Variants in PRKCE observed in about 807,000 individuals in gnomAD.
PRKCE encodes protein kinase C epsilon.
In PRKCE, 16 loss-of-function variants were observed where a neutral mutation model predicts 85.4. The ratio of observed to expected loss-of-function variants is 0.19; its 90% confidence interval spans 0.13 to 0.28. The LOEUF (loss-of-function observed/expected upper bound fraction) is 0.28. Among genes scored for constraint, PRKCE ranks in the 10% least tolerant of loss-of-function variants. The probability of loss-of-function intolerance (pLI) is 1.00; values close to 1 mark genes in which losing one functional copy is unlikely to be tolerated. For synonymous variants in PRKCE, 388 were observed against 371.5 expected (o/e 1.04, Z -0.51); for missense variants, 573 against 975.2 (o/e 0.59, Z 5.49).
chr2:46,081,315 C>T (rs941133489), intron 10 of PRKCE, among the ~76,000 whole-genome samples: 6 of 152,126 alleles, frequency 3.9e-5, no homozygotes, highest in African/African-American at 1.4e-4. Context: ...CTTCTTATAG[C>T]CCCCTAACCT....
At chr2:45,969,930 A>G (rs1701998163) in intron 2 of PRKCE, among the ~76,000 whole-genome samples, 1 of 152,314 alleles carries the variant, frequency 6.6e-6, no homozygotes. Flanking sequence ...TTGTAATGTG[A>G]TTCATCAGAC....
intron 5 of PRKCE, among the ~76,000 whole-genome samples, chr2:45,982,517 CCAAA>C (rs897212862): frequency 6.6e-6 from 1 of 152,212 alleles, no homozygotes; most frequent in Non-Finnish European, 1.5e-5. Flanking sequence ...GGTGTGGTAA[CCAAA>C]CAATGTTCCA....
intron 1 of PRKCE, among the ~76,000 whole-genome samples, chr2:45,721,046 G>A (rs997089064): frequency 1.3e-5 from 2 of 152,204 alleles, no homozygotes; most frequent in African/African-American, 2.4e-5. Context: ...GGCAGAGGTT[G>A]CAGTGAGCTG....
rs538313223 is a variant in PRKCE, at chr2:46,186,648, A to G, written c.*1767A>G. On this transcript the variant is annotated 3_prime_UTR_variant, in exon 15 of 15. Coordinates refer to ENST00000306156, the MANE Select transcript of PRKCE (RefSeq NM_005400.3). ...ATTTTAAAAGATGTAAACATATATT[A>G]AGCTATATTAAATCTCACATACAGT... 5 of 152,686 alleles carry G rather than the reference A, an allele frequency of 3.3e-5. No individual in the cohort carries two copies. The highest frequency in any genetic ancestry group is 1.2e-4 in the African/African-American group (5 of 41,540). 9.5% of individuals were successfully genotyped at this position (152,686 alleles called of 1,614,324 possible).
At chr2:45,720,221 C>T (rs2104452363) in intron 1 of PRKCE, among the ~76,000 whole-genome samples, 1 of 152,256 alleles carries the variant, frequency 6.6e-6, no homozygotes, top group African/African-American at 2.4e-5. Context: ...CTGGGAGCAG[C>T]CACTGTCCCA....
intron 2 of PRKCE, among the ~76,000 whole-genome samples, chr2:45,870,558 T>G (rs1385712971): frequency 6.6e-6 from 1 of 152,216 alleles, no homozygotes; most frequent in Non-Finnish European, 1.5e-5. Context: ...TGCTCTCTCA[T>G]CAGCCATGCA....
intron 2 of PRKCE, among the ~76,000 whole-genome samples, chr2:45,930,418 G>T (rs1698954625): frequency 6.6e-6 from 1 of 152,238 alleles, no homozygotes; most frequent in Admixed American, 6.5e-5. Context: ...GGTGGCTCAT[G>T]TTGGATGCTT....
intron 11 of PRKCE, among the ~76,000 whole-genome samples, chr2:46,118,033 A>G (rs150813595): frequency 2.0e-5 from 3 of 152,350 alleles, no homozygotes; most frequent in South Asian, 4.1e-4. Flanking sequence ...CCATGAAATC[A>G]TGATGCTGAA....
intron 10 of PRKCE, among the ~76,000 whole-genome samples, chr2:46,057,922 T>C (rs1181648174): frequency 6.6e-6 from 1 of 152,200 alleles, no homozygotes; most frequent in Non-Finnish European, 1.5e-5. Context: ...ACAGTGATTC[T>C]TTCTACACTA....
chr2:45,914,040 C>T (rs1407254541), intron 2 of PRKCE, among the ~76,000 whole-genome samples: 4 of 152,160 alleles, frequency 2.6e-5, no homozygotes, highest in South Asian at 2.1e-4. Context: ...GGATTGAAAC[C>T]GTTAACAATG....
At chr2:46,090,751 A>AGGTTCTGTGAAG in intron 11 of PRKCE, among the ~76,000 whole-genome samples, 1 of 151,892 alleles carries the variant, frequency 6.6e-6, no homozygotes, top group South Asian at 2.1e-4. Flanking sequence ...AAGCTGCAAA[A>AGGTTCTGTGAAG]GGCTCTGTGG....
chr2:45,968,738 T>C (rs1417250723), intron 2 of PRKCE, among the ~76,000 whole-genome samples: 4 of 152,152 alleles, frequency 2.6e-5, no homozygotes, highest in African/African-American at 9.7e-5. Context: ...GAGGAGGGCG[T>C]TCAGTTTTTC....
At chr2:45,882,294 C>G (rs1694946036) in intron 2 of PRKCE, among the ~76,000 whole-genome samples, 1 of 152,136 alleles carries the variant, frequency 6.6e-6, no homozygotes, top group Non-Finnish European at 1.5e-5. Context: ...TGATGCTGTC[C>G]TCCAAGACAG....
chr2:45,858,682 A>G (rs911148034), intron 2 of PRKCE, among the ~76,000 whole-genome samples: 23 of 152,184 alleles, frequency 1.5e-4, no homozygotes, highest in Non-Finnish European at 2.9e-4. Flanking sequence ...TTATGATTTT[A>G]GCACCTAAAT....
At chr2:45,824,239 C>T (rs1689763675) in intron 1 of PRKCE, among the ~76,000 whole-genome samples, 1 of 152,230 alleles carries the variant, frequency 6.6e-6, no homozygotes, top group Non-Finnish European at 1.5e-5. Context: ...TAATCCTCTC[C>T]AATCATCTAA....
intron 11 of PRKCE, among the ~76,000 whole-genome samples, chr2:46,118,745 G>A (rs1412131741): frequency 6.6e-6 from 1 of 152,196 alleles, no homozygotes; most frequent in Non-Finnish European, 1.5e-5. Context: ...TGAAGATAAA[G>A]CATAAGAATG....
chr2:45,988,871 C>T (rs957210048), intron 6 of PRKCE, among the ~76,000 whole-genome samples: 3 of 152,314 alleles, frequency 2.0e-5, no homozygotes, highest in African/African-American at 7.2e-5. Flanking sequence ...TTCACTGGCA[C>T]CATGGGCCTC....
chr2:46,093,550 A>T (rs74262744), intron 11 of PRKCE, among the ~76,000 whole-genome samples: 18,712 of 142,780 alleles, frequency 0.13, 1,566 homozygotes, highest in East Asian at 0.41. Context: ...TTTTTTTGAG[A>T]TAGGGTCTTG....
intron 1 of PRKCE, among the ~76,000 whole-genome samples, chr2:45,709,588 C>G (rs930141564): frequency 1.3e-5 from 2 of 152,228 alleles, no homozygotes; most frequent in African/African-American, 4.8e-5. Flanking sequence ...ATTCTGGATT[C>G]CAAGGCTATG....
Sources: allele counts gnomAD v4.1 joint callset (sites outside exome capture counted in the v4.1 genomes callset), GRCh38; gene constraint gnomAD v4.1.1; transcripts MANE v1.5; gene names NCBI Gene and HGNC (gene_info 2026-07-23, HGNC 2026-07-21).